PCSK6: variants seen among roughly 807,000 people sequenced by gnomAD.
PCSK6 encodes paired basic amino acid cleaving enzyme 4.
Under a neutral mutation model 123.3 loss-of-function variants are expected in PCSK6, and 85 were observed. The observed-to-expected ratio is 0.69, with a 90% CI of 0.58 to 0.83. The LOEUF (loss-of-function observed/expected upper bound fraction) is 0.83, where lower values mean the gene tolerates loss of function less well. Among genes scored for constraint, PCSK6 ranks in the 40% least tolerant of loss-of-function variants. The pLI, the probability that PCSK6 is intolerant of heterozygous loss-of-function variation, is 0.00. For synonymous variants in PCSK6, 508 were observed against 516.0 expected (o/e 0.98, Z 0.21); for missense variants, 1,191 against 1,282.3 (o/e 0.93, Z 1.09).
chr15:101,355,678 C>T (rs191261933), intron 13 of PCSK6, among the ~76,000 whole-genome samples: 27 of 152,386 alleles, frequency 1.8e-4, no homozygotes, highest in Non-Finnish European at 1.9e-4. Context: ...TTAGTGCTGA[C>T]AAAGCCAAGC....
Position 101,318,379 on chromosome 15 carries a change from A to T in PCSK6, c.2509T>A (p.Tyr837Asn). Residue 837 changes from tyrosine (Y) to asparagine (N), a missense_variant, in exon 19 of 22, where the codon TAC becomes AAC. By Grantham distance (143) the Tyr-to-Asn change is moderately radical (BLOSUM62 -2). Around this residue, in one of 3 missense-constraint regions of PCSK6, gnomAD observed 630 missense variants for 631.4 expected, o/e 1.00. Transcript: ENST00000611716. ...SCIPDCEPGT[Y>N]FDSELIRCGE... ...CATCTGATCAGCTCTGAGTCAAAGT[A>T]GGTGCCTGGCTCACAGTCAGGAATG... 6.4e-7 allele frequency: 1 copy of T among 1,565,464 alleles called. No homozygotes were observed. Among genetic ancestry groups the T allele is most frequent in the Non-Finnish European group, 8.7e-7 (1 of 1,155,074 alleles).
At chr15:101,461,024 A>G (rs890037999) in intron 1 of PCSK6, among the ~76,000 whole-genome samples, 2 of 152,230 alleles carry the variant, frequency 1.3e-5, no homozygotes, top group Non-Finnish European at 2.9e-5. Context: ...AATTAGGACC[A>G]GAACTCTGTA....
At position 101,403,327 on chromosome 15, in the gene PCSK6, C is replaced by G. The variant is rs568440141; in HGVS notation, c.824-4751G>C. ...AGGAGATATACCTAATGCTAAATGACCAGTTAATGGGTGCAGCACACCAGC... is the reference window on the plus strand; with the variant it reads ...AGGAGATATACCTAATGCTAAATGAGCAGTTAATGGGTGCAGCACACCAGC... On this transcript the variant is annotated intron_variant, in intron 6 of 21. Transcript: ENST00000611716. Among the ~76,000 whole-genome samples, 736 of 149,342 alleles carry G rather than the reference C, an allele frequency of 4.9e-3. 12 individuals carry two copies. The highest frequency in any genetic ancestry group is 0.016 in the African/African-American group (665 of 40,496).
intron 11 of PCSK6, among the ~76,000 whole-genome samples, chr15:101,376,345 G>C (rs1253401332): frequency 6.6e-6 from 1 of 152,186 alleles, no homozygotes; most frequent in Non-Finnish European, 1.5e-5. Context: ...GCATGAGAAA[G>C]CAGAGACCTG....
intron 8 of PCSK6, 141 bp downstream of exon 8, chr15:101,393,071 C>T (rs2042280307): frequency 1.3e-6 from 1 of 744,396 alleles, no homozygotes; most frequent in South Asian, 1.5e-5. Flanking sequence ...AAATTGTTCG[C>T]CGATGGGTGA....
rs778124459 is a variant in PCSK6, at chr15:101,325,015, A to G, written c.2212T>C (p.Phe738Leu). 22 of 1,611,586 alleles carry G rather than the reference A, an allele frequency of 1.4e-5. No homozygotes were observed. In the African/African-American group the frequency reaches 2.7e-4, roughly 20 times the overall value. The change falls in exon 17 of 22, where the codon TTT becomes CTT. Residue 738 changes from phenylalanine (F) to leucine (L), a missense_variant. Phe to Leu is a conservative substitution (Grantham distance 22, BLOSUM62 0). Around this residue, in one of 3 missense-constraint regions of PCSK6, gnomAD observed 630 missense variants for 631.4 expected, o/e 1.00. Transcript: ENST00000611716. The stretch of plus-strand genomic sequence containing the variant: ...CAGCGTCTTGCTGCTGTGTCCCCAA[A>G]GTAGCCCAAGGGGCACACACTCACG... ...KCVSVCPLGYFGDTAARRCRR... is the reference protein window; with the variant it reads ...KCVSVCPLGYLGDTAARRCRR...
intron 2 of PCSK6, among the ~76,000 whole-genome samples, chr15:101,442,106 T>C (rs924555737): frequency 6.6e-6 from 1 of 152,206 alleles, no homozygotes; most frequent in Non-Finnish European, 1.5e-5. Context: ...TTAAATATAC[T>C]GGCCCCTTTG....
chr15:101,438,854 G>C (rs537849255), intron 2 of PCSK6, among the ~76,000 whole-genome samples: 1 of 152,372 alleles, frequency 6.6e-6, no homozygotes, highest in South Asian at 2.1e-4. Flanking sequence ...CCTCTGAGCA[G>C]GCTTCCTGGT....
intron 1 of PCSK6, among the ~76,000 whole-genome samples, chr15:101,453,586 C>T (rs540213249): frequency 6.6e-5 from 10 of 152,298 alleles, no homozygotes; most frequent in African/African-American, 2.2e-4. Flanking sequence ...ATCCGACATG[C>T]GCTCTCCCGA....
intron 13 of PCSK6, 138 bp from the exon 14 acceptor site, chr15:101,332,169 G>A (rs2040385337): frequency 1.7e-5 from 12 of 723,666 alleles, no homozygotes; most frequent in Non-Finnish European, 2.4e-5. Flanking sequence ...GTTACCTGCT[G>A]GCCAGCTGTG....
At chr15:101,364,547 T>A (rs1458977810) in intron 13 of PCSK6, among the ~76,000 whole-genome samples, 1 of 152,132 alleles carries the variant, frequency 6.6e-6, no homozygotes, top group East Asian at 1.9e-4. Flanking sequence ...AAGAAAACCA[T>A]TCCATTTGCA....
intron 15 of PCSK6, among the ~76,000 whole-genome samples, chr15:101,328,981 G>T (rs180841453): frequency 3.9e-5 from 6 of 152,238 alleles, no homozygotes; most frequent in African/African-American, 1.2e-4. Flanking sequence ...CATGATGTTT[G>T]TGTTGCAATT....
intron 11 of PCSK6, among the ~76,000 whole-genome samples, chr15:101,371,011 C>T (rs912646830): frequency 3.3e-5 from 5 of 152,190 alleles, no homozygotes; most frequent in African/African-American, 9.7e-5. Flanking sequence ...GAGTTTGAGA[C>T]CAGCCTGGCC....
chr15:101,487,808 A>T (rs2058053773), intron 1 of PCSK6, among the ~76,000 whole-genome samples: 2 of 152,194 alleles, frequency 1.3e-5, no homozygotes, highest in Admixed American at 1.3e-4. Flanking sequence ...CTACAGAGAC[A>T]AACGAAGTCA....
At chr15:101,476,346 A>T (rs1284924838) in intron 1 of PCSK6, among the ~76,000 whole-genome samples, 1 of 152,240 alleles carries the variant, frequency 6.6e-6, no homozygotes, top group Non-Finnish European at 1.5e-5. Context: ...AACACTGCTT[A>T]TAACAGAAAA....
intron 12 of PCSK6, among the ~76,000 whole-genome samples, chr15:101,369,658 C>T (rs1356847434): frequency 6.6e-6 from 1 of 152,264 alleles, no homozygotes; most frequent in Non-Finnish European, 1.5e-5. Flanking sequence ...CCCATAAACA[C>T]CTTCATTCTA....
At chr15:101,373,012 GAA>G (rs2041630732) in intron 11 of PCSK6, among the ~76,000 whole-genome samples, 1 of 149,648 alleles carries the variant, frequency 6.7e-6, no homozygotes, top group Non-Finnish European at 1.5e-5. Flanking sequence ...AATTACAAGT[GAA>G]AGACAACCAA....
intron 1 of PCSK6, among the ~76,000 whole-genome samples, chr15:101,482,540 C>CA (rs1377546155): frequency 2.0e-4 from 30 of 152,216 alleles, no homozygotes; most frequent in Non-Finnish European, 3.4e-4. Flanking sequence ...CTCAGAGATC[C>CA]AAAAAAGCTC....
At chr15:101,433,945 G>T (rs1025521449) in intron 2 of PCSK6, among the ~76,000 whole-genome samples, 10 of 149,744 alleles carry the variant, frequency 6.7e-5, no homozygotes, top group African/African-American at 2.5e-4. Flanking sequence ...CAGACCAGAC[G>T]CCTTAGAAAC....
Sources: gnomAD v4.1 joint callset for allele counts (sites outside exome capture counted in the v4.1 genomes callset) on GRCh38, gnomAD v4.1.1 for gene constraint, gnomAD v4.1.1 regional missense constraint, MANE v1.5 for transcripts, NCBI Gene and HGNC (gene_info 2026-07-23, HGNC 2026-07-21) for gene names.